The following VMP1 variants were observed in gnomAD, a reference collection of about 807,000 sequenced individuals.
VMP1 encodes vacuole membrane protein 1, also known as ectopic P-granules autophagy protein 3 homolog.
In VMP1, 11 loss-of-function variants were observed where a neutral mutation model predicts 56.0. The ratio of observed to expected loss-of-function variants is 0.20; its 90% confidence interval spans 0.12 to 0.32. The LOEUF (loss-of-function observed/expected upper bound fraction) is 0.32, where lower values mean the gene tolerates loss of function less well. Among genes scored for constraint, VMP1 ranks in the 10% least tolerant of loss-of-function variants. The probability of loss-of-function intolerance (pLI) is 1.00; values close to 1 mark genes in which losing one functional copy is unlikely to be tolerated. For synonymous variants in VMP1, 149 were observed against 165.0 expected, an observed-to-expected ratio of 0.90 and a Z score of 0.74; for missense variants, 296 against 490.3, an observed-to-expected ratio of 0.60 and a Z score of 3.74.
chr17:59,768,977 C>T (rs2036332421), intron 6 of VMP1, among the ~76,000 whole-genome samples: 2 of 151,404 alleles, frequency 1.3e-5, no homozygotes, highest in South Asian at 2.1e-4. Context: ...AAAAATTATC[C>T]GGGTGTAGTG....
At chr17:59,834,713 C>T (rs1209675023) in intron 10 of VMP1, among the ~76,000 whole-genome samples, 4 of 151,594 alleles carry the variant, frequency 2.6e-5, no homozygotes, top group African/African-American at 4.8e-5. Context: ...CAACCACCAT[C>T]TCCTGGGTTC....
intron 7 of VMP1, among the ~76,000 whole-genome samples, chr17:59,806,954 CTCA>C (rs922007907): frequency 4.0e-5 from 6 of 151,630 alleles, no homozygotes; most frequent in Admixed American, 2.0e-4. Context: ...CTTTGACTTT[CTCA>C]TCATCTTCAA....
At chr17:59,723,825 A>G (rs1022900288) in intron 1 of VMP1, among the ~76,000 whole-genome samples, 10 of 152,342 alleles carry the variant, frequency 6.6e-5, no homozygotes, top group Middle Eastern at 3.4e-3. Flanking sequence ...CAAGTCATAA[A>G]GAGAGAAAAA....
chr17:59,795,412 T>C (rs538117865), intron 7 of VMP1, among the ~76,000 whole-genome samples: 22 of 140,524 alleles, frequency 1.6e-4, no homozygotes, highest in African/African-American at 5.4e-4. Context: ...CCACTGTGCC[T>C]GGCCGATAAT....
intron 6 of VMP1, among the ~76,000 whole-genome samples, chr17:59,772,045 G>A (rs1212681638): frequency 1.3e-5 from 2 of 150,666 alleles, no homozygotes; most frequent in African/African-American, 2.4e-5. Context: ...ATAGAGTCTC[G>A]CTTTGTCACC....
At chr17:59,726,291 G>GTTTTTTTTGT (rs2034598553) in intron 1 of VMP1, among the ~76,000 whole-genome samples, 1 of 145,058 alleles carries the variant, frequency 6.9e-6, no homozygotes, top group Non-Finnish European at 1.5e-5. Flanking sequence ...AGTTTTTTTT[G>GTTTTTTTTGT]TTTTTTTTTT....
At chr17:59,808,000 A>G (rs891023023) in intron 7 of VMP1, among the ~76,000 whole-genome samples, 1 of 152,208 alleles carries the variant, frequency 6.6e-6, no homozygotes, top group Non-Finnish European at 1.5e-5. Flanking sequence ...ATTTGAATAT[A>G]TGCCATTTCA....
At chr17:59,735,691 A>G (rs533037932) in intron 3 of VMP1, 3 of 499,046 alleles carry the variant, frequency 6.0e-6, no homozygotes, top group South Asian at 3.0e-5. Flanking sequence ...GGATTATCAC[A>G]GTTGTCCACT....
intron 5 of VMP1, among the ~76,000 whole-genome samples, chr17:59,742,760 T>C (rs2143856576): frequency 6.6e-6 from 1 of 152,176 alleles, no homozygotes; most frequent in African/African-American, 2.4e-5. Context: ...CCGCTCCCCA[T>C]CACTCGAATT....
At chr17:59,770,739 C>G (rs2036394383) in intron 6 of VMP1, among the ~76,000 whole-genome samples, 1 of 151,938 alleles carries the variant, frequency 6.6e-6, no homozygotes, top group Non-Finnish European at 1.5e-5. Context: ...CACCACCATA[C>G]CCGGCTAATT....
At chr17:59,752,081 G>A (rs2035675989) in intron 5 of VMP1, among the ~76,000 whole-genome samples, 3 of 152,116 alleles carry the variant, frequency 2.0e-5, no homozygotes, top group South Asian at 2.1e-4. Context: ...CTAAAGTGCC[G>A]GGATTACAGG....
intron 3 of VMP1, 135 bp from the exon 4 acceptor site, chr17:59,737,318 G>A: frequency 7.1e-6 from 5 of 708,140 alleles, no homozygotes; most frequent in Admixed American, 3.2e-5. Flanking sequence ...ACTCCAAGAG[G>A]CCATGATGTG....
chr17:59,760,222 G>T (rs1338150306), intron 5 of VMP1, among the ~76,000 whole-genome samples: 1 of 151,182 alleles, frequency 6.6e-6, no homozygotes, highest in Non-Finnish European at 1.5e-5. Flanking sequence ...TTCTCATTTT[G>T]TATAAAATAT....
chr17:59,734,110 A>G (rs1211259936), intron 2 of VMP1, among the ~76,000 whole-genome samples: 3 of 152,208 alleles, frequency 2.0e-5, no homozygotes, highest in Non-Finnish European at 2.9e-5. Context: ...CCCAAATTCA[A>G]CTGCTGGAAT....
chr17:59,766,937 G>A (rs968181698), intron 6 of VMP1, among the ~76,000 whole-genome samples: 5 of 151,906 alleles, frequency 3.3e-5, no homozygotes, highest in Non-Finnish European at 7.4e-5. Context: ...CCGCCACCAC[G>A]CTCGGCTGAT....
chr17:59,826,886 A>T (rs1717677310), intron 10 of VMP1, among the ~76,000 whole-genome samples: 1 of 152,158 alleles, frequency 6.6e-6, no homozygotes, highest in Non-Finnish European at 1.5e-5. Flanking sequence ...GGAAATTTAG[A>T]CTAGAGCACC....
At chr17:59,742,049 A>G (rs1424453093) in intron 5 of VMP1, among the ~76,000 whole-genome samples, 1 of 152,202 alleles carries the variant, frequency 6.6e-6, no homozygotes, top group African/African-American at 2.4e-5. Context: ...ATTACATATT[A>G]TGTGAAAGTA....
chr17:59,802,574 T>A (rs1202558005), intron 7 of VMP1, among the ~76,000 whole-genome samples: 1 of 152,136 alleles, frequency 6.6e-6, no homozygotes, highest in African/African-American at 2.4e-5. Context: ...TTTAGGGATT[T>A]TCTGTTGCTT....
intron 5 of VMP1, among the ~76,000 whole-genome samples, chr17:59,755,709 A>C (rs1224678554): frequency 1.3e-5 from 2 of 150,354 alleles, no homozygotes; most frequent in Non-Finnish European, 1.5e-5. Flanking sequence ...GCTTTTTGAC[A>C]GTTTGTTTCT....
Sources: gnomAD v4.1 joint callset for allele counts (sites outside exome capture counted in the v4.1 genomes callset) on GRCh38, gnomAD v4.1.1 for gene constraint, MANE v1.5 for transcripts, NCBI Gene and HGNC (gene_info 2026-07-23, HGNC 2026-07-21) for gene names.